The following TASP1 variants were observed in gnomAD, a reference collection of about 807,000 sequenced individuals.
The protein encoded by TASP1 is taspase 1, also known as threonine aspartase 1.
In TASP1, 16 loss-of-function variants were observed where a neutral mutation model predicts 56.6. That is an observed-to-expected ratio of 0.28 (90% CI 0.19 to 0.43). The LOEUF (loss-of-function observed/expected upper bound fraction) is 0.43, where lower values mean the gene tolerates loss of function less well. Ranked by LOEUF, TASP1 falls within the 20% of genes least tolerant of loss-of-function variation. The pLI, the probability that TASP1 is intolerant of heterozygous loss-of-function variation, is 1.00. For missense variants in TASP1, 393 were observed against 511.6 expected (o/e 0.77, Z 2.24); for synonymous variants, 179 against 184.2 (o/e 0.97, Z 0.23).
At chr20:13,343,707 C>T in the TASP1 span, among the ~76,000 whole-genome samples, 44 of 152,254 alleles carry the variant, frequency 2.9e-4, no homozygotes, top group Non-Finnish European at 3.1e-4. Context: ...ATTGGGCGTC[C>T]ACCTCCTCAC....
In TASP1 at chr20:13,631,406, A is replaced by T. The variant is rs547549353; in HGVS notation, c.-74-1254T>A. ...TCCTAACCATGTTTTTCTTCCAAAG[A>T]TTTCACAAGAATCTGCCTCAATTAC... is the stretch of plus-strand genomic sequence containing the variant. On this transcript the variant is annotated intron_variant, in intron 1 of 13. Coordinates refer to ENST00000337743, the MANE Select transcript of TASP1 (RefSeq NM_017714.3). 2.0e-4 allele frequency among the ~76,000 whole-genome samples: 31 copies of T among 152,248 alleles called. No homozygotes were observed. The South Asian group carries it at 4.8e-3, about 23-fold the overall frequency.
chr20:13,199,392 G>A, the TASP1 span, among the ~76,000 whole-genome samples: 604 of 147,392 alleles, frequency 4.1e-3, 7 homozygotes, highest in African/African-American at 0.013. Flanking sequence ...CCCTCTTTCC[G>A]TCCTCCTTCC....
the TASP1 span, among the ~76,000 whole-genome samples, chr20:13,204,452 T>A: frequency 2.6e-5 from 4 of 151,996 alleles, no homozygotes; most frequent in East Asian, 7.7e-4. Context: ...TTTAACAAGG[T>A]GTTGTGCAAA....
the TASP1 span, among the ~76,000 whole-genome samples, chr20:13,384,060 T>C: frequency 6.6e-6 from 1 of 152,206 alleles, no homozygotes. Context: ...TTTCTTAATA[T>C]ATTGGAAGAT....
chr20:13,388,492 T>C (rs1446869135), downstream of TASP1, among the ~76,000 whole-genome samples: 1 of 152,100 alleles, frequency 6.6e-6, no homozygotes, highest in Non-Finnish European at 1.5e-5. Context: ...GAACTCTTAA[T>C]AAAAGGGGTC....
chr20:13,559,648 A>C (rs534093170), intron 7 of TASP1, among the ~76,000 whole-genome samples: 1 of 152,322 alleles, frequency 6.6e-6, no homozygotes, highest in South Asian at 2.1e-4. Flanking sequence ...TCTCCCTAGA[A>C]ATTTCAGGAC....
chr20:13,553,898 G>T (rs979951460), intron 8 of TASP1, among the ~76,000 whole-genome samples: 2 of 152,128 alleles, frequency 1.3e-5, no homozygotes, highest in African/African-American at 4.8e-5. Context: ...ACTATGAGAT[G>T]GTAATTATGA....
At chr20:13,119,023 G>A in the TASP1 span, among the ~76,000 whole-genome samples, 1 of 152,124 alleles carries the variant, frequency 6.6e-6, no homozygotes, top group Non-Finnish European at 1.5e-5. Context: ...AAAACCATTG[G>A]GAAAGCCCAG....
the TASP1 span, among the ~76,000 whole-genome samples, chr20:13,280,403 C>G: frequency 4.3e-4 from 56 of 129,256 alleles, 1 homozygote; most frequent in East Asian, 0.013. Context: ...CCCCCCCCCC[C>G]AATACATTTC....
intron 8 of TASP1, among the ~76,000 whole-genome samples, chr20:13,550,849 A>G (rs1459475599): frequency 6.6e-6 from 1 of 152,132 alleles, no homozygotes; most frequent in Non-Finnish European, 1.5e-5. Flanking sequence ...AAGCACAGAC[A>G]AGTACAAATG....
In TASP1 at chr20:13,604,085, T is replaced by A. The variant is rs527733393; in HGVS notation, c.283-16715A>T. ...TTCCATCCACTGACTCCTACCCAGTTTTTTAGCTATAAATTGTCACTTGTC... is the reference window on the plus strand; with the variant it reads ...TTCCATCCACTGACTCCTACCCAGTATTTTAGCTATAAATTGTCACTTGTC... On this transcript the variant is annotated intron_variant, in intron 4 of 13. Coordinates refer to ENST00000337743, the MANE Select transcript of TASP1 (RefSeq NM_017714.3). Among the ~76,000 whole-genome samples, 568 of 152,266 alleles carry A rather than the reference T, an allele frequency of 3.7e-3. 3 individuals are homozygous for A. The highest frequency in any genetic ancestry group is 0.012 in the East Asian group (61 of 5,178).
chr20:13,349,753 T>A, the TASP1 span, among the ~76,000 whole-genome samples: 23 of 152,350 alleles, frequency 1.5e-4, no homozygotes, highest in South Asian at 1.9e-3. Context: ...TACATGAGTT[T>A]ATCAAGGTCA....
At chr20:13,165,522 C>G in the TASP1 span, 1 of 152,152 alleles carries the variant, frequency 6.6e-6, no homozygotes, top group Non-Finnish European at 1.5e-5. Context: ...TTGCTGGTCT[C>G]CTACAGTTTT....
chr20:13,544,677 AC>A (rs1363251149), intron 8 of TASP1, among the ~76,000 whole-genome samples: 1 of 152,232 alleles, frequency 6.6e-6, no homozygotes, highest in Non-Finnish European at 1.5e-5. Flanking sequence ...AATGCAGGCA[AC>A]CTTTTCCAAT....
At chr20:13,411,499 C>G (rs2042092801) in intron 13 of TASP1, among the ~76,000 whole-genome samples, 1 of 152,158 alleles carries the variant, frequency 6.6e-6, no homozygotes, top group Non-Finnish European at 1.5e-5. Context: ...GGTCTTTCAT[C>G]TCCTTGGTTA....
the TASP1 span, chr20:13,166,979 T>A: frequency 6.6e-6 from 1 of 152,214 alleles, no homozygotes; most frequent in Non-Finnish European, 1.5e-5. Flanking sequence ...AGGGGCAATT[T>A]ATTACACTGC....
intron 4 of TASP1, among the ~76,000 whole-genome samples, chr20:13,589,339 T>C (rs973362593): frequency 2.6e-5 from 4 of 152,160 alleles, no homozygotes; most frequent in African/African-American, 9.7e-5. Context: ...ATTACAGGCA[T>C]GAGCCACCGC....
chr20:13,392,699 A>G (rs2041336231), intron 13 of TASP1: 2 of 545,128 alleles, frequency 3.7e-6, no homozygotes, highest in East Asian at 4.5e-5. Flanking sequence ...GGCCAAAGTA[A>G]AAAGATTTGG....
At chr20:13,470,084 C>T (rs2044431272) in intron 11 of TASP1, among the ~76,000 whole-genome samples, 1 of 151,974 alleles carries the variant, frequency 6.6e-6, no homozygotes, top group Non-Finnish European at 1.5e-5. Flanking sequence ...GATTTTTAAT[C>T]ATCCATTGTA....
Sources: allele counts gnomAD v4.1 joint callset (sites outside exome capture counted in the v4.1 genomes callset), GRCh38; gene constraint gnomAD v4.1.1; transcripts MANE v1.5; gene names NCBI Gene and HGNC (gene_info 2026-07-23, HGNC 2026-07-21).